The following SLCO1A2 variants were observed in gnomAD, a reference collection of about 807,000 sequenced individuals.
SLCO1A2 encodes OATP-1.
A neutral mutation model predicts 69.0 loss-of-function variants in SLCO1A2; 67 were observed. That is an observed-to-expected ratio of 0.97 (90% CI 0.80 to 1.19). The LOEUF is 1.19. Ranked by LOEUF, SLCO1A2 falls within the 50% of genes most tolerant of loss-of-function variation. SLCO1A2 has a pLI of 0.00. For synonymous variants in SLCO1A2, 260 were observed against 265.9 expected, an observed-to-expected ratio of 0.98 and a Z score of 0.22; for missense variants, 787 against 793.7, an observed-to-expected ratio of 0.99 and a Z score of 0.10.
chr12:21,412,374 C>T (rs560594169), intron 1 of SLCO1A2, among the ~76,000 whole-genome samples: 1 of 151,224 alleles, frequency 6.6e-6, no homozygotes, highest in East Asian at 1.9e-4. Flanking sequence ...AGTGAGACTC[C>T]ATCTCAAGAA....
chr12:21,373,170 T>G, intron 2 of SLCO1A2: 1 of 609,574 alleles, frequency 1.6e-6, no homozygotes, highest in Non-Finnish European at 2.9e-6. Flanking sequence ...ATCTCGAAAT[T>G]ACTTGAAAAG....
intron 2 of SLCO1A2, among the ~76,000 whole-genome samples, chr12:21,346,463 A>G (rs1356913938): frequency 6.6e-6 from 1 of 152,108 alleles, no homozygotes; most frequent in Non-Finnish European, 1.5e-5. Context: ...TAGCGTGTAC[A>G]GTTCAAATCA....
upstream of SLCO1A2, among the ~76,000 whole-genome samples, chr12:21,337,606 C>T (rs757036921): frequency 6.6e-6 from 1 of 151,846 alleles, no homozygotes; most frequent in Non-Finnish European, 1.5e-5. Flanking sequence ...GCTCCTAGCT[C>T]TGTGAGACAA....
Position 21,295,737 on chromosome 12 carries a change from C to T in SLCO1A2, c.1131G>A (p.Met377Ile). Residue 377 changes from methionine to isoleucine, a missense_variant, in exon 10 of 15, where the codon ATG becomes ATA. Transcript: ENST00000683939. The stretch of plus-strand genomic sequence containing the variant: ...GTTTGACAGTAATCTTGAACTTCTT[C>T]ATAATTAAACCACCAATTATATATC... Reference protein sequence around the residue: ...CIGYIIGGLIMKKFKITVKQA... With the variant: ...CIGYIIGGLIIKKFKITVKQA... 1 of 1,604,506 alleles carries T rather than the reference C, an allele frequency of 6.2e-7. No individual in the cohort carries two copies.
intron 1 of SLCO1A2, among the ~76,000 whole-genome samples, chr12:21,416,290 T>G (rs905081283): frequency 1.3e-5 from 2 of 151,730 alleles, no homozygotes; most frequent in African/African-American, 4.8e-5. Context: ...CAGACTTCAT[T>G]TTCTGTCAGT....
At chr12:21,308,044 TACTTG>T (rs1262715920) in intron 4 of SLCO1A2, among the ~76,000 whole-genome samples, 1 of 152,148 alleles carries the variant, frequency 6.6e-6, no homozygotes, top group Admixed American at 6.5e-5. Flanking sequence ...GGCTGAATAT[TACTTG>T]ACATTGTTTT....
At chr12:21,356,908 C>T (rs542583430) in intron 2 of SLCO1A2, among the ~76,000 whole-genome samples, 210 of 151,844 alleles carry the variant, frequency 1.4e-3, no homozygotes, top group African/African-American at 4.6e-3. Flanking sequence ...TTCCAGTGCT[C>T]GTGGAAACTT....
chr12:21,349,402 C>G (rs1233611971), intron 2 of SLCO1A2, among the ~76,000 whole-genome samples: 1 of 152,118 alleles, frequency 6.6e-6, no homozygotes, highest in Non-Finnish European at 1.5e-5. Context: ...CTCCATTTTC[C>G]TCAAGCTGGC....
intron 2 of SLCO1A2, chr12:21,373,834 C>T (rs1422151061): frequency 2.0e-5 from 11 of 539,222 alleles, no homozygotes; most frequent in Non-Finnish European, 3.3e-5. Flanking sequence ...GTATATATTA[C>T]TTAGATTTTT....
chr12:21,340,073 G>A (rs1200510079), intron 2 of SLCO1A2, among the ~76,000 whole-genome samples: 2 of 151,926 alleles, frequency 1.3e-5, no homozygotes, highest in Admixed American at 6.6e-5. Flanking sequence ...CTGATTCTCA[G>A]TAAGAAAAAA....
At chr12:21,323,588 A>C (rs762498776) in intron 2 of SLCO1A2, among the ~76,000 whole-genome samples, 1 of 152,104 alleles carries the variant, frequency 6.6e-6, no homozygotes, top group Non-Finnish European at 1.5e-5. Flanking sequence ...GAAATAAATA[A>C]ATGAAAATAA....
At position 21,277,600 on chromosome 12, in the gene SLCO1A2, G is replaced by A. The variant is rs143498446; in HGVS notation, c.1611-2176C>T. Among the ~76,000 whole-genome samples, 855 of 152,202 alleles carry A rather than the reference G, an allele frequency of 5.6e-3. 8 individuals carry two copies. Among genetic ancestry groups the A allele is most frequent in the African/African-American group, 0.019 (802 of 41,526 alleles). ...TAGAGCAGCGGTTCCCAAACATTTT[G>A]CACCAGGGACTGGTTTCATGGAACA... On this transcript the variant is annotated intron_variant, in intron 12 of 14. Transcript: ENST00000683939.
At chr12:21,344,412 A>C (rs565463757) in intron 2 of SLCO1A2, among the ~76,000 whole-genome samples, 8 of 152,066 alleles carry the variant, frequency 5.3e-5, no homozygotes, top group Admixed American at 2.0e-4. Context: ...GTTCTATTCT[A>C]GTTGCCAGAA....
intron 2 of SLCO1A2, among the ~76,000 whole-genome samples, chr12:21,365,282 A>C (rs1591885972): frequency 6.6e-6 from 1 of 152,350 alleles, no homozygotes; most frequent in African/African-American, 2.4e-5. Context: ...ACCTGACAAA[A>C]ACAAGAAATG....
chr12:21,351,367 C>G (rs1055773544), intron 2 of SLCO1A2, among the ~76,000 whole-genome samples: 3 of 152,108 alleles, frequency 2.0e-5, no homozygotes, highest in African/African-American at 7.2e-5. Flanking sequence ...CTAAACAGAC[C>G]TGTTAAAGAA....
At chr12:21,321,879 A>G (rs911279832) in intron 2 of SLCO1A2, among the ~76,000 whole-genome samples, 26 of 152,176 alleles carry the variant, frequency 1.7e-4, no homozygotes, top group African/African-American at 6.3e-4. Context: ...CCTCTATTAC[A>G]GTGTACTTTA....
In SLCO1A2 at chr12:21,314,537, T is replaced by A. The variant is rs768859411; in HGVS notation, c.335+12A>T. 5.6e-6 allele frequency: 9 copies of A among 1,612,622 alleles called. No homozygotes were observed. The highest frequency in any genetic ancestry group is 7.6e-6 in the Non-Finnish European group (9 of 1,179,646). On this transcript the variant is annotated intron_variant, in intron 4 of 14. Coordinates refer to ENST00000683939, the MANE Select transcript of SLCO1A2 (RefSeq NM_001386879.1). Reference sequence around the variant, plus strand: ...ATTTGACCACCCAAAATTATCAGACTGGAGTACTTACTGGTTCATGAGGAA... The same window carrying A: ...ATTTGACCACCCAAAATTATCAGACAGGAGTACTTACTGGTTCATGAGGAA...
intron 2 of SLCO1A2, among the ~76,000 whole-genome samples, chr12:21,353,552 T>C (rs1272841373): frequency 6.6e-6 from 1 of 152,188 alleles, no homozygotes; most frequent in African/African-American, 2.4e-5. Context: ...AGCAGATTGC[T>C]GTGATGCACC....
chr12:21,372,951 C>T (rs1015197000), intron 2 of SLCO1A2: 1 of 234,756 alleles, frequency 4.3e-6, no homozygotes, highest in Admixed American at 5.4e-5. Context: ...TTTCTTGAAG[C>T]TTTCTTTCTA....
Sources: gnomAD v4.1 joint callset for allele counts (sites outside exome capture counted in the v4.1 genomes callset) on GRCh38, gnomAD v4.1.1 for gene constraint, MANE v1.5 for transcripts, NCBI Gene and HGNC (gene_info 2026-07-23, HGNC 2026-07-21) for gene names.